Variants in PDZD2 observed in about 807,000 individuals in gnomAD.
The protein encoded by PDZD2 is PDZ domain-containing protein 2.
A neutral mutation model predicts 220.7 loss-of-function variants in PDZD2; 90 were observed. That is an observed-to-expected ratio of 0.41 (90% CI 0.34 to 0.49). The LOEUF (loss-of-function observed/expected upper bound fraction) is 0.49, where lower values mean the gene tolerates loss of function less well. Ranked by LOEUF, PDZD2 falls within the 20% of genes least tolerant of loss-of-function variation. The pLI, the probability that PDZD2 is intolerant of heterozygous loss-of-function variation, is 0.28. For missense variants in PDZD2, 3,174 were observed against 3,608.5 expected (o/e 0.88, Z 3.08); for synonymous variants, 1,375 against 1,450.5 (o/e 0.95, Z 1.18).
intron 13 of PDZD2, among the ~76,000 whole-genome samples, chr5:32,059,930 A>C (rs985462082): frequency 1.3e-5 from 2 of 152,220 alleles, no homozygotes; most frequent in African/African-American, 4.8e-5. Flanking sequence ...CTGTTTACAC[A>C]AGAAATATCT....
intron 2 of PDZD2, among the ~76,000 whole-genome samples, chr5:31,871,430 A>C (rs922955786): frequency 6.6e-6 from 1 of 152,262 alleles, no homozygotes; most frequent in East Asian, 1.9e-4. Flanking sequence ...CATTGCTTCC[A>C]TACCTTCATT....
intron 1 of PDZD2, among the ~76,000 whole-genome samples, chr5:31,763,827 T>C (rs1050291275): frequency 1.6e-5 from 2 of 123,954 alleles, no homozygotes; most frequent in Non-Finnish European, 3.4e-5. Context: ...GATCTGAAAA[T>C]ACAAAGAATT....
At chr5:31,972,202 C>T (rs1749362354) in intron 2 of PDZD2, among the ~76,000 whole-genome samples, 1 of 152,208 alleles carries the variant, frequency 6.6e-6, no homozygotes, top group South Asian at 2.1e-4. Context: ...CAGCCTCTGC[C>T]TCCCAGGATC....
At chr5:31,737,322 A>G (rs6870268) in intron 1 of PDZD2, among the ~76,000 whole-genome samples, 22,083 of 151,462 alleles carry the variant, frequency 0.15, 1,679 homozygotes, top group East Asian at 0.21. Context: ...ACAGGCGCCC[A>G]CCACCACGCC....
At chr5:32,058,566 CG>C (rs1178851165) in intron 12 of PDZD2, among the ~76,000 whole-genome samples, 3 of 150,390 alleles carry the variant, frequency 2.0e-5, no homozygotes, top group Non-Finnish European at 2.9e-5. Context: ...CCCAGCTACT[CG>C]GGAGGCTGAG....
chr5:32,069,493 C>CT (rs1414274431), intron 14 of PDZD2, 76 bp from the exon 15 acceptor site: 10 of 845,250 alleles, frequency 1.2e-5, no homozygotes, highest in Non-Finnish European at 1.6e-5. Flanking sequence ...TTGACTCTGA[C>CT]TCTGGTCCTA....
chr5:31,692,829 G>C (rs1747197845), intron 1 of PDZD2: 1 of 152,294 alleles, frequency 6.6e-6, no homozygotes, highest in Non-Finnish European at 1.5e-5. Flanking sequence ...CATCCAACTG[G>C]CTGCCGGCTG....
intron 2 of PDZD2, among the ~76,000 whole-genome samples, chr5:31,815,756 A>G (rs1755410290): frequency 2.0e-5 from 3 of 152,228 alleles, no homozygotes; most frequent in South Asian, 4.1e-4. Context: ...TTCGGTTTAC[A>G]TATGAATGTA....
chr5:31,999,276 A>G (rs35131409), intron 4 of PDZD2, among the ~76,000 whole-genome samples: 17,821 of 98,262 alleles, frequency 0.18, 1,335 homozygotes, highest in African/African-American at 0.24. Context: ...GGGTGGCGGG[A>G]TTTGTTTTTT....
chr5:31,728,332 C>A (rs1280934253), intron 1 of PDZD2, among the ~76,000 whole-genome samples: 1 of 151,954 alleles, frequency 6.6e-6, no homozygotes, highest in Admixed American at 6.6e-5. Flanking sequence ...GAAATGCTGC[C>A]CTAAGGAGAG....
chr5:32,003,235 C>T (rs1752449543), intron 5 of PDZD2, among the ~76,000 whole-genome samples: 2 of 1,798 alleles, frequency 1.1e-3, no homozygotes, highest in Non-Finnish European at 2.4e-3. Flanking sequence ...CCAACATATA[C>T]CTTCACACAC....
intron 1 of PDZD2, among the ~76,000 whole-genome samples, chr5:31,678,345 C>G (rs1341161291): frequency 2.0e-5 from 3 of 152,200 alleles, no homozygotes; most frequent in African/African-American, 4.8e-5. Flanking sequence ...ATCCAAGGCT[C>G]TATGTCCCTA....
At chr5:32,014,282 T>C (rs1032369850) in intron 6 of PDZD2, among the ~76,000 whole-genome samples, 2 of 152,158 alleles carry the variant, frequency 1.3e-5, no homozygotes, top group African/African-American at 4.8e-5. Flanking sequence ...GCTGAGCAAA[T>C]GCAATACAAA....
chr5:31,745,230 G>GA (rs1442689269), intron 1 of PDZD2, among the ~76,000 whole-genome samples: 2 of 151,946 alleles, frequency 1.3e-5, no homozygotes, highest in Admixed American at 1.3e-4. Flanking sequence ...GTTTATTGTA[G>GA]AAAAAATAGA....
At chr5:31,712,815 A>G (rs1748205422) in intron 1 of PDZD2, among the ~76,000 whole-genome samples, 1 of 152,092 alleles carries the variant, frequency 6.6e-6, no homozygotes, top group African/African-American at 2.4e-5. Context: ...AAGGATTTGG[A>G]GCCTGGGGTC....
chr5:32,055,788 A>G (rs1489565016), intron 10 of PDZD2, among the ~76,000 whole-genome samples: 1 of 152,184 alleles, frequency 6.6e-6, no homozygotes, highest in Non-Finnish European at 1.5e-5. Context: ...CCACGGCAGA[A>G]TATTTATTTC....
intron 1 of PDZD2, among the ~76,000 whole-genome samples, chr5:31,797,964 T>C (rs1177216415): frequency 6.6e-6 from 1 of 152,122 alleles, no homozygotes; most frequent in African/African-American, 2.4e-5. Context: ...TCTATGTTTA[T>C]GGAGAATGGA....
chr5:31,877,103 T>TATA (rs1460802188), intron 2 of PDZD2, among the ~76,000 whole-genome samples: 1 of 152,250 alleles, frequency 6.6e-6, no homozygotes, highest in Non-Finnish European at 1.5e-5. Flanking sequence ...ATTGTTACTC[T>TATA]ATAATAGCAT....
chr5:31,864,334 G>C (rs537232760), intron 2 of PDZD2, among the ~76,000 whole-genome samples: 2 of 152,164 alleles, frequency 1.3e-5, no homozygotes, highest in East Asian at 3.9e-4. Flanking sequence ...GCCTGTCTCC[G>C]GTCTGCACCT....
Sources: allele counts gnomAD v4.1 joint callset (sites outside exome capture counted in the v4.1 genomes callset), GRCh38; gene constraint gnomAD v4.1.1; transcripts MANE v1.5; gene names NCBI Gene and HGNC (gene_info 2026-07-23, HGNC 2026-07-21).